Variants in PRKAR1B observed in about 807,000 individuals in gnomAD.
The protein encoded by PRKAR1B is cAMP-dependent protein kinase type I-beta regulatory subunit.
A neutral mutation model predicts 46.5 loss-of-function variants in PRKAR1B; 22 were observed. The ratio of observed to expected loss-of-function variants is 0.47; its 90% CI spans 0.34 to 0.68. The LOEUF (loss-of-function observed/expected upper bound fraction) is 0.68. Among genes scored for constraint, PRKAR1B ranks in the 30% least tolerant of loss-of-function variants. The probability of loss-of-function intolerance (pLI) is 0.01; values close to 1 mark genes in which losing one functional copy is unlikely to be tolerated. For missense variants in PRKAR1B, 445 were observed against 535.6 expected, an observed-to-expected ratio of 0.83 and a Z score of 1.67; for synonymous variants, 259 against 217.7, an observed-to-expected ratio of 1.19 and a Z score of -1.67.
At chr7:701,971 A>G (rs893281880) in intron 2 of PRKAR1B, among the ~76,000 whole-genome samples, 3 of 152,246 alleles carry the variant, frequency 2.0e-5, no homozygotes, top group Non-Finnish European at 4.4e-5. Context: ...TACATCTTCT[A>G]GACTATTTGC....
At chr7:710,261 T>A (rs1471264324) in intron 2 of PRKAR1B, among the ~76,000 whole-genome samples, 1 of 152,020 alleles carries the variant, frequency 6.6e-6, no homozygotes, top group Non-Finnish European at 1.5e-5. Context: ...CCAGGAGAGA[T>A]GGGCACAGGA....
chr7:568,396 G>T (rs1050368476), intron 9 of PRKAR1B, among the ~76,000 whole-genome samples: 3 of 152,236 alleles, frequency 2.0e-5, no homozygotes, highest in African/African-American at 7.2e-5. Context: ...TGAGAACCTG[G>T]CTGTTGAATC....
intron 2 of PRKAR1B, among the ~76,000 whole-genome samples, chr7:683,803 T>G (rs1778840552): frequency 1.3e-5 from 2 of 152,220 alleles, no homozygotes. Context: ...GGAGAGCTGC[T>G]TGTTGCTCCC....
chr7:680,816 G>C, intron 2 of PRKAR1B, 90 bp from the exon 3 acceptor site: 2 of 1,467,522 alleles, frequency 1.4e-6, no homozygotes, highest in Non-Finnish European at 1.9e-6. Flanking sequence ...CAGCACTGTG[G>C]GAGGACTAGT....
intron 4 of PRKAR1B, among the ~76,000 whole-genome samples, chr7:630,680 C>T (rs559221321): frequency 1.2e-4 from 18 of 152,304 alleles, no homozygotes; most frequent in Middle Eastern, 3.4e-3. Context: ...ATGTTAAAGA[C>T]GCCCAGGGGA....
chr7:622,752 A>G (rs928361815), intron 4 of PRKAR1B, among the ~76,000 whole-genome samples: 8 of 152,160 alleles, frequency 5.3e-5, no homozygotes, highest in Non-Finnish European at 8.8e-5. Context: ...AGTGAAGAAA[A>G]CAGAACATTT....
At chr7:594,846 C>A (rs1045983074) in intron 7 of PRKAR1B, among the ~76,000 whole-genome samples, 7 of 152,104 alleles carry the variant, frequency 4.6e-5, no homozygotes, top group Admixed American at 4.6e-4. Context: ...GGAGTCCCCC[C>A]CAGATCATGA....
At chr7:683,259 C>T (rs909215070) in intron 2 of PRKAR1B, among the ~76,000 whole-genome samples, 25 of 152,216 alleles carry the variant, frequency 1.6e-4, no homozygotes, top group African/African-American at 4.6e-4. Context: ...ATGCCAAGGC[C>T]GGGGTGCCAC....
At chr7:720,050 CT>C (rs34254216) in intron 1 of PRKAR1B, among the ~76,000 whole-genome samples, 12,557 of 93,310 alleles carry the variant, frequency 0.13, 389 homozygotes, top group Middle Eastern at 0.2. Flanking sequence ...CTGTGCAAGT[CT>C]TTTTTTTTTT....
chr7:584,263 G>T (rs541653480), intron 8 of PRKAR1B, among the ~76,000 whole-genome samples: 2 of 152,352 alleles, frequency 1.3e-5, no homozygotes, highest in African/African-American at 4.8e-5. Flanking sequence ...TGGCAGAGAC[G>T]TTGAGAAGCA....
rs1452592577 is a variant in PRKAR1B, at chr7:560,149, A to T, written c.892-8679T>A. On this transcript the variant is annotated intron_variant, in intron 9 of 10. Coordinates refer to ENST00000537384, the MANE Select transcript of PRKAR1B (RefSeq NM_001164760.2). This position sits in a 1 kb window ranked among gnomAD's most constrained non-coding sequence, Gnocchi z 4.2. ...CAGGGGGCGGTAACTGAATCATGGC[A>T]TGGGGTGACGGTTTTATAAGGGGCT... 6.6e-6 allele frequency among the ~76,000 whole-genome samples: 1 copy of T among 152,090 alleles called. No individual in the cohort carries two copies. The highest frequency in any genetic ancestry group is 1.5e-5 in the Non-Finnish European group (1 of 68,014).
At chr7:607,351 C>G (rs1438822656) in intron 5 of PRKAR1B, 40 bp downstream of exon 5, 2 of 1,575,608 alleles carry the variant, frequency 1.3e-6, no homozygotes, top group African/African-American at 2.7e-5. Context: ...GTCCATTTTT[C>G]CCCTCTGGAC....
chr7:665,083 G>A (rs1045028139), intron 4 of PRKAR1B, among the ~76,000 whole-genome samples: 17 of 152,172 alleles, frequency 1.1e-4, no homozygotes, highest in Admixed American at 3.9e-4. Flanking sequence ...ATTAGATAGC[G>A]CCAGCCCTGG....
chr7:664,347 C>T (rs1429198052), intron 4 of PRKAR1B, among the ~76,000 whole-genome samples: 1 of 152,226 alleles, frequency 6.6e-6, no homozygotes, highest in African/African-American at 2.4e-5. Flanking sequence ...AGGGCTTAGC[C>T]TCAGGCCTGC....
At chr7:557,378 C>T (rs1182762153) in intron 9 of PRKAR1B, among the ~76,000 whole-genome samples, 1 of 152,246 alleles carries the variant, frequency 6.6e-6, no homozygotes, top group Admixed American at 6.5e-5. Context: ...GACATTTCTC[C>T]GTTCTTTCCA....
intron 4 of PRKAR1B, among the ~76,000 whole-genome samples, chr7:645,891 C>T (rs1178359450): frequency 2.6e-5 from 4 of 152,164 alleles, no homozygotes; most frequent in South Asian, 2.1e-4. Context: ...GGCCCAGCCC[C>T]GATCTGGTCC....
At chr7:558,108 G>GT (rs1416269641) in intron 9 of PRKAR1B, among the ~76,000 whole-genome samples, 1 of 151,696 alleles carries the variant, frequency 6.6e-6, no homozygotes, top group East Asian at 1.9e-4. Flanking sequence ...GAGGCCAGAA[G>GT]TTTGAGACCA....
At chr7:612,048 C>CGGATGGATGGAT (rs553779459) in intron 4 of PRKAR1B, among the ~76,000 whole-genome samples, 2 of 130,554 alleles carry the variant, frequency 1.5e-5, no homozygotes, top group South Asian at 2.6e-4. Context: ...AGTAGAATAA[C>CGGATGGATGGAT]GGATGGATGG....
At chr7:578,680 TA>T (rs1780000106) in intron 9 of PRKAR1B, 1 of 147,588 alleles carries the variant, frequency 6.8e-6, no homozygotes, top group Non-Finnish European at 1.4e-5. Context: ...TTTTTTATTT[TA>T]CTTTTTTTTT....
Sources: allele counts gnomAD v4.1 joint callset (sites outside exome capture counted in the v4.1 genomes callset), GRCh38; gene constraint gnomAD v4.1.1; non-coding constraint Gnocchi (gnomAD v3.1); transcripts MANE v1.5; gene names NCBI Gene and HGNC (gene_info 2026-07-23, HGNC 2026-07-21).